The following ADK variants were observed in gnomAD, a reference collection of about 807,000 sequenced individuals.
ADK encodes the protein adenosine kinase, also known as N6,N6-dimethyladenosine kinase.
Under a neutral mutation model 44.7 loss-of-function variants are expected in ADK, and 24 were observed. That is an observed-to-expected ratio of 0.54 (90% CI 0.39 to 0.76). The LOEUF (loss-of-function observed/expected upper bound fraction) is 0.76. ADK is among the 30% of genes least tolerant of loss of function. ADK has a pLI of 0.00. For synonymous variants in ADK, 128 were observed against 142.6 expected, an observed-to-expected ratio of 0.90 and a Z score of 0.73; for missense variants, 321 against 425.1, an observed-to-expected ratio of 0.76 and a Z score of 2.15.
At position 74,510,576 on chromosome 10, in the gene ADK, T is replaced by C. The variant is rs374328310; in HGVS notation, c.556-14680T>C. 7.2e-5 allele frequency among the ~76,000 whole-genome samples: 11 copies of C among 152,324 alleles called. No homozygotes were observed. In the East Asian group the frequency reaches 2.1e-3, roughly 29 times the overall value. On this transcript the variant is annotated intron_variant, in intron 6 of 10. Transcript: ENST00000539909. The stretch of plus-strand genomic sequence containing the variant: ...AGATTTTCAGTTTGATATAATCTCA[T>C]TTGTTTATTTTTACTTTTGTTGCTT...
chr10:74,687,843 T>A (rs1202067143), intron 10 of ADK, among the ~76,000 whole-genome samples: 2 of 152,244 alleles, frequency 1.3e-5, no homozygotes, highest in African/African-American at 2.4e-5. Flanking sequence ...TTCCACTTAC[T>A]GTAGTAGTTT....
At chr10:74,206,384 A>G (rs368599919) in intron 2 of ADK, among the ~76,000 whole-genome samples, 21 of 152,296 alleles carry the variant, frequency 1.4e-4, no homozygotes, top group African/African-American at 4.6e-4. Context: ...GGAGGTGGCA[A>G]GCTTTGATTG....
intron 1 of ADK, among the ~76,000 whole-genome samples, chr10:74,162,421 G>C (rs1383454204): frequency 6.6e-6 from 1 of 152,048 alleles, no homozygotes; most frequent in East Asian, 1.9e-4. Context: ...AATACTTCAC[G>C]ATTCTTTGGC....
intron 4 of ADK, among the ~76,000 whole-genome samples, chr10:74,349,987 A>G (rs1841911485): frequency 6.6e-6 from 1 of 152,164 alleles, no homozygotes; most frequent in Non-Finnish European, 1.5e-5. Flanking sequence ...CCCCACTGTC[A>G]ATATGAGATC....
intron 6 of ADK, among the ~76,000 whole-genome samples, chr10:74,508,645 C>T (rs1192649711): frequency 2.0e-5 from 3 of 152,168 alleles, no homozygotes; most frequent in African/African-American, 7.2e-5. Flanking sequence ...TTGGTTTAAA[C>T]TAAGGAGAAT....
intron 4 of ADK, among the ~76,000 whole-genome samples, chr10:74,318,515 C>T (rs990238941): frequency 6.6e-6 from 1 of 152,142 alleles, no homozygotes; most frequent in Non-Finnish European, 1.5e-5. Context: ...GTAAAAAAGT[C>T]ACAGAAAAGA....
At position 74,670,274 on chromosome 10, in the gene ADK, A is replaced by C; in HGVS notation, c.964+5A>C. 6.2e-7 allele frequency: 1 copy of C among 1,606,480 alleles called. No homozygotes were observed. Among genetic ancestry groups the C allele is most frequent in the Non-Finnish European group, 8.5e-7 (1 of 1,173,174 alleles). On this transcript the variant is annotated splice_donor_5th_base_variant and intron_variant, in intron 10 of 10. Coordinates refer to ENST00000539909, the MANE Select transcript of ADK (RefSeq NM_006721.4). ...CTGGAGATGCATTTGTTGGAGGTAC[A>C]GACTAATTTATTTCATTCTTACTTA...
chr10:74,346,110 T>C (rs1222885872), intron 4 of ADK, among the ~76,000 whole-genome samples: 1 of 152,238 alleles, frequency 6.6e-6, no homozygotes, highest in Non-Finnish European at 1.5e-5. Context: ...CAAGCTGGTC[T>C]CAAACTCCTG....
At chr10:74,266,048 T>C (rs1376800824) in intron 3 of ADK, among the ~76,000 whole-genome samples, 1 of 151,988 alleles carries the variant, frequency 6.6e-6, no homozygotes, top group Non-Finnish European at 1.5e-5. Context: ...TTAAGGATGA[T>C]GTGTTGATGT....
chr10:74,189,583 CTA>C (rs1464801870), intron 1 of ADK, among the ~76,000 whole-genome samples: 1 of 152,124 alleles, frequency 6.6e-6, no homozygotes, highest in Non-Finnish European at 1.5e-5. Flanking sequence ...GTGTTTGTTA[CTA>C]TATAACTGAG....
intron 6 of ADK, among the ~76,000 whole-genome samples, chr10:74,491,517 T>C (rs1564751529): frequency 6.6e-6 from 1 of 152,202 alleles, no homozygotes; most frequent in African/African-American, 2.4e-5. Flanking sequence ...ACACTTGCTT[T>C]ATCTAGTCTT....
chr10:74,255,103 AAAC>A (rs1429237578), intron 3 of ADK, among the ~76,000 whole-genome samples: 8 of 152,218 alleles, frequency 5.3e-5, no homozygotes, highest in Non-Finnish European at 1.2e-4. Flanking sequence ...TTTCTATAGA[AAAC>A]AATAGTAGGT....
intron 3 of ADK, among the ~76,000 whole-genome samples, chr10:74,256,252 C>T (rs1367760682): frequency 1.3e-5 from 2 of 152,062 alleles, no homozygotes; most frequent in East Asian, 3.9e-4. Flanking sequence ...TTTCATGGAG[C>T]GCCATGCTGA....
intron 9 of ADK, among the ~76,000 whole-genome samples, chr10:74,634,889 G>C (rs1203348302): frequency 6.6e-6 from 1 of 152,100 alleles, no homozygotes; most frequent in Non-Finnish European, 1.5e-5. Flanking sequence ...AGGTTGCAAT[G>C]AGCCGAGATA....
At chr10:74,344,741 T>C (rs1841704316) in intron 4 of ADK, 1 of 177,820 alleles carries the variant, frequency 5.6e-6, no homozygotes, top group African/African-American at 2.4e-5. Context: ...TGCAAGTTTA[T>C]TGTCAGTCCC....
intron 3 of ADK, among the ~76,000 whole-genome samples, chr10:74,268,899 G>A (rs1241262456): frequency 3.3e-5 from 5 of 152,224 alleles, no homozygotes; most frequent in Admixed American, 2.6e-4. Flanking sequence ...AGCAGTAAGT[G>A]TAGTGAAATT....
At chr10:74,270,120 T>C (rs1846369789) in intron 3 of ADK, among the ~76,000 whole-genome samples, 1 of 152,242 alleles carries the variant, frequency 6.6e-6, no homozygotes, top group Non-Finnish European at 1.5e-5. Context: ...AGAATTGGTT[T>C]GTTCAACAAT....
intron 1 of ADK, among the ~76,000 whole-genome samples, chr10:74,184,843 A>G (rs1305493145): frequency 6.6e-6 from 1 of 152,352 alleles, no homozygotes; most frequent in Non-Finnish European, 1.5e-5. Context: ...AACTAGGACC[A>G]TAAGATAATG....
intron 4 of ADK, among the ~76,000 whole-genome samples, chr10:74,376,793 T>TTA: frequency 7.0e-6 from 1 of 141,960 alleles, no homozygotes; most frequent in African/African-American, 2.5e-5. Context: ...TTTTTTTTTT[T>TTA]AATACTGTCA....
Sources: allele counts gnomAD v4.1 joint callset (sites outside exome capture counted in the v4.1 genomes callset), GRCh38; gene constraint gnomAD v4.1.1; transcripts MANE v1.5; gene names NCBI Gene and HGNC (gene_info 2026-07-23, HGNC 2026-07-21).